PCGF1: variants seen among roughly 807,000 people sequenced by gnomAD.
PCGF1 encodes polycomb group RING finger protein 1.
In PCGF1, 10 loss-of-function variants were observed where a neutral mutation model predicts 38.8. The ratio of observed to expected loss-of-function variants is 0.26; its 90% CI spans 0.16 to 0.44. PCGF1 has a LOEUF of 0.44. Ranked by LOEUF, PCGF1 falls within the 20% of genes least tolerant of loss-of-function variation. The pLI, the probability that PCGF1 is intolerant of heterozygous loss-of-function variation, is 1.00. For missense variants in PCGF1, 230 were observed against 331.5 expected, an observed-to-expected ratio of 0.69 and a Z score of 2.38; for synonymous variants, 119 against 121.3, an observed-to-expected ratio of 0.98 and a Z score of 0.12.
chr2:74,505,895 C>T, intron 5 of PCGF1, 57 bp downstream of exon 5: 2 of 1,604,924 alleles, frequency 1.2e-6, no homozygotes, highest in Admixed American at 1.7e-5. Context: ...CCTAGACCCT[C>T]CCTGGCTCTG....
intron 1 of PCGF1, 118 bp downstream of exon 1, chr2:74,507,457 AC>A: frequency 6.7e-7 from 1 of 1,486,670 alleles, no homozygotes; most frequent in Non-Finnish European, 8.9e-7. Flanking sequence ...ACGCAGGCGC[AC>A]TGGGCACTCT....
chr2:74,507,311 A>C, intron 1 of PCGF1, 164 bp from the exon 2 acceptor site: 1 of 1,459,958 alleles, frequency 6.8e-7, no homozygotes. Flanking sequence ...CCCTCCGCCC[A>C]GCAGAGGGCT....
intron 3 of PCGF1, 109 bp downstream of exon 3, chr2:74,506,623 C>T: frequency 1.6e-6 from 2 of 1,236,524 alleles, no homozygotes; most frequent in Non-Finnish European, 2.4e-6. Context: ...TTTGTCCTTC[C>T]CTCATCTTTG....
At chr2:74,506,906 T>C in intron 2 of PCGF1, 22 bp from the exon 3 acceptor site, 1 of 1,613,964 alleles carries the variant, frequency 6.2e-7, no homozygotes, top group Non-Finnish European at 8.5e-7. Context: ...GAAAAGCAGA[T>C]TCTCAGGCCC....
chr2:74,505,690 T>C (rs1156760487), intron 6 of PCGF1, 47 bp downstream of exon 6: 4 of 1,614,064 alleles, frequency 2.5e-6, no homozygotes, highest in Admixed American at 1.7e-5. Context: ...GGAAGGACCA[T>C]GGGAGGTGAG....
At position 74,507,571 on chromosome 2, in the gene PCGF1, T is replaced by G; in HGVS notation, c.93+5A>C. 6.3e-7 allele frequency: 1 copy of G among 1,582,428 alleles called. No individual in the cohort carries two copies. The highest frequency in any genetic ancestry group is 8.6e-7 in the Non-Finnish European group (1 of 1,165,116). On this transcript the variant is annotated splice_donor_5th_base_variant and intron_variant, in intron 1 of 8. Coordinates refer to ENST00000233630, the MANE Select transcript of PCGF1 (RefSeq NM_032673.3). ...ACCACAGCAGTAACCCTGCCGCCCT[T>G]GCACCTCGTTCCGTAGCGGGTCCAT... is the stretch of plus-strand genomic sequence containing the variant.
In PCGF1 at chr2:74,505,542, G is replaced by T; in HGVS notation, c.651+10C>A. ...CTCCCCCTCAAGAAACCTACTGTGG[G>T]ACTACTCACATGCTGAGGGTTTAGC... is the stretch of plus-strand genomic sequence containing the variant. On this transcript the variant is annotated intron_variant, in intron 7 of 8. Coordinates refer to ENST00000233630, the MANE Select transcript of PCGF1 (RefSeq NM_032673.3). 1 of 1,614,010 alleles carries T rather than the reference G, an allele frequency of 6.2e-7. No homozygotes were observed. Among genetic ancestry groups the T allele is most frequent in the South Asian group, 1.1e-5 (1 of 91,066 alleles).
chr2:74,505,687 C>G, intron 6 of PCGF1, 49 bp from the exon 7 acceptor site: 2 of 1,614,030 alleles, frequency 1.2e-6, no homozygotes, highest in Non-Finnish European at 1.7e-6. Context: ...GAGGGAAGGA[C>G]CATGGGAGGT....
chr2:74,506,890 G>A lies in PCGF1; in HGVS notation c.200-6C>T. On this transcript the variant is annotated splice_region_variant and splice_polypyrimidine_tract_variant and intron_variant, in intron 2 of 8. Transcript: ENST00000233630. ...CACAATACAACTCTTGCAGACTGCA[G>A]GAAAAGAAAAGCAGATTCTCAGGCC... The A allele has an allele frequency of 3.1e-6, 5 of 1,614,150 alleles. No individual in the cohort carries two copies. Among genetic ancestry groups the A allele is most frequent in the East Asian group, 2.2e-5 (1 of 44,876 alleles).
rs755002821 is a variant in PCGF1 at position 74,505,101 on chromosome 2, C to A, written c.*42G>T. 4 of 1,449,040 alleles carry A rather than the reference C, an allele frequency of 2.8e-6. No individual in the cohort carries two copies. The highest frequency in any genetic ancestry group is 2.7e-6 in the Non-Finnish European group (3 of 1,095,372). 89.8% of individuals were successfully genotyped at this position (1,449,040 alleles called of 1,614,324 possible). Reference sequence around the variant, plus strand: ...GCTGCAGTTCATTTCACATAAATATCTGGGGAGGGAAGGGGAGTGGGATGG... The same window carrying A: ...GCTGCAGTTCATTTCACATAAATATATGGGGAGGGAAGGGGAGTGGGATGG... On this transcript the variant is annotated 3_prime_UTR_variant, in exon 9 of 9. Coordinates refer to ENST00000233630, the MANE Select transcript of PCGF1 (RefSeq NM_032673.3).
chr2:74,505,629 C>T lies in PCGF1; in HGVS notation c.574G>A (p.Val192Ile). 6.2e-7 allele frequency: 1 copy of T among 1,614,056 alleles called. No individual in the cohort carries two copies. The highest frequency in any genetic ancestry group is 8.5e-7 in the Non-Finnish European group (1 of 1,179,998). Residue 192 changes from valine (V) to isoleucine (I), a missense_variant, in exon 7 of 9, where the codon GTC (valine) becomes ATC (isoleucine). Physicochemically the swap from Val to Ile is conservative, Grantham distance 29. Coordinates refer to ENST00000233630, the MANE Select transcript of PCGF1 (RefSeq NM_032673.3). ...ACCTCAGCTCTAACAGAACATCGGA[C>T]ATACTTGTTCTGGGAGCAGGGAGGG... ...KNKSVLQNKYVRCSVRAEVRH... is the reference protein window; with the variant it reads ...KNKSVLQNKYIRCSVRAEVRH...
intron 3 of PCGF1, 37 bp from the exon 4 acceptor site, chr2:74,506,289 C>T (rs1198282840): frequency 2.5e-6 from 4 of 1,603,912 alleles, no homozygotes; most frequent in African/African-American, 1.3e-5. Flanking sequence ...AAGTATTAGC[C>T]CTTCGGGGCC....
At chr2:74,505,807 T>C in intron 5 of PCGF1, 37 bp from the exon 6 acceptor site, 1 of 1,613,262 alleles carries the variant, frequency 6.2e-7, no homozygotes, top group Non-Finnish European at 8.5e-7. Flanking sequence ...GAATCCTATC[T>C]TTCCTCCTCT....
rs1558596143 is a variant in PCGF1, at chr2:74,507,687, C to G, written c.-19G>C. The G allele has an allele frequency of 1.3e-6, 2 of 1,550,234 alleles. No homozygotes were observed. The highest frequency in any genetic ancestry group is 1.7e-6 in the Non-Finnish European group (2 of 1,147,226). ...ACGCCATCTTAAAGGCTGATCCCAG[C>G]CGGCCACTTCCGGTGCCGCCTGCAG... On this transcript the variant is annotated 5_prime_UTR_variant, in exon 1 of 9. Coordinates refer to ENST00000233630, the MANE Select transcript of PCGF1 (RefSeq NM_032673.3).
In PCGF1 at chr2:74,505,210, G is replaced by A. The variant is rs1409615131; in HGVS notation, c.733-20C>T. The A allele has an allele frequency of 6.4e-7, 1 of 1,563,438 alleles. No individual in the cohort carries two copies. Among genetic ancestry groups the A allele is most frequent in the Admixed American group, 1.9e-5 (1 of 52,604 alleles). On this transcript the variant is annotated intron_variant, in intron 8 of 8. Coordinates refer to ENST00000233630, the MANE Select transcript of PCGF1 (RefSeq NM_032673.3). ...GGATGGCTAAGGAGAGAATGAGGAA[G>A]TAGTAGTCAGTGGGGAATGTTCTTA...
At chr2:74,507,193 A>T in intron 1 of PCGF1, 46 bp from the exon 2 acceptor site, 3 of 1,580,760 alleles carry the variant, frequency 1.9e-6, no homozygotes, top group African/African-American at 1.3e-5. Context: ...TCAAACCCCA[A>T]CCCGTGCGCC....
At chr2:74,507,416 C>G (rs985380482) in intron 1 of PCGF1, 160 bp downstream of exon 1, 39 of 1,461,348 alleles carry the variant, frequency 2.7e-5, no homozygotes, top group Non-Finnish European at 3.3e-5. Context: ...CGCAGGCGTC[C>G]TAACCGGAGT....
At chr2:74,506,318 C>A in intron 3 of PCGF1, 66 bp from the exon 4 acceptor site, 1 of 1,470,834 alleles carries the variant, frequency 6.8e-7, no homozygotes, top group Non-Finnish European at 9.5e-7. Context: ...TGGCTCACGC[C>A]TGTAATCCCA....
At chr2:74,505,259 C>G (rs1044978002) in intron 8 of PCGF1, 69 bp from the exon 9 acceptor site, 2 of 1,568,556 alleles carry the variant, frequency 1.3e-6, no homozygotes, top group African/African-American at 1.4e-5. Flanking sequence ...GCCCCTCAGC[C>G]CACCCTTCCC....
Sources: gnomAD v4.1 joint callset for allele counts on GRCh38, gnomAD v4.1.1 for gene constraint, MANE v1.5 for transcripts, NCBI Gene and HGNC (gene_info 2026-07-23, HGNC 2026-07-21) for gene names.